The following NOL4 variants were observed in gnomAD, a reference collection of about 807,000 sequenced individuals.
NOL4 encodes the protein nucleolar protein 4, also known as cancer/testis antigen 125.
In NOL4, 17 loss-of-function variants were observed where a neutral mutation model predicts 75.9. The ratio of observed to expected loss-of-function variants is 0.22; its 90% CI spans 0.15 to 0.34. The LOEUF is 0.34. Ranked by LOEUF, NOL4 falls within the 10% of genes least tolerant of loss-of-function variation. The pLI is 1.00. For missense variants in NOL4, 614 were observed against 793.5 expected (o/e 0.77, Z 2.72); for synonymous variants, 292 against 289.9 (o/e 1.01, Z -0.07).
intron 2 of NOL4, among the ~76,000 whole-genome samples, chr18:34,112,840 G>A (rs757349680): frequency 1.3e-5 from 2 of 152,168 alleles, no homozygotes; most frequent in Non-Finnish European, 1.5e-5. Context: ...CATTAATAGA[G>A]TAAATCTCAA....
intron 5 of NOL4, among the ~76,000 whole-genome samples, chr18:34,072,150 G>A (rs1005660520): frequency 3.7e-4 from 57 of 152,154 alleles, no homozygotes; most frequent in Middle Eastern, 6.8e-3. Flanking sequence ...AGAATCGCCC[G>A]GGAGGCAGAG....
chr18:34,071,647 G>T (rs1056964321), intron 5 of NOL4, among the ~76,000 whole-genome samples: 1 of 152,066 alleles, frequency 6.6e-6, no homozygotes, highest in African/African-American at 2.4e-5. Flanking sequence ...TTATAAAATA[G>T]GCCATGTATT....
At chr18:34,155,521 C>A (rs2030214824) in intron 1 of NOL4, among the ~76,000 whole-genome samples, 1 of 151,988 alleles carries the variant, frequency 6.6e-6, no homozygotes, top group Admixed American at 6.6e-5. Context: ...AGTGTTCTTG[C>A]ACAAACATAG....
intron 2 of NOL4, among the ~76,000 whole-genome samples, chr18:34,124,749 A>T (rs2080305428): frequency 6.6e-6 from 1 of 152,158 alleles, no homozygotes; most frequent in Non-Finnish European, 1.5e-5. Context: ...TACTTAAAAT[A>T]CAAAAAAATT....
chr18:33,998,531 G>T (rs931591244), intron 6 of NOL4, among the ~76,000 whole-genome samples: 2 of 152,062 alleles, frequency 1.3e-5, no homozygotes, highest in South Asian at 4.1e-4. Context: ...TTATATTTAT[G>T]CTATCTATTA....
chr18:34,029,130 A>T (rs1432107441), intron 5 of NOL4, among the ~76,000 whole-genome samples: 3 of 152,092 alleles, frequency 2.0e-5, no homozygotes, highest in African/African-American at 7.2e-5. Flanking sequence ...GTGTACAGTT[A>T]TTCTCTCAGT....
intron 1 of NOL4, among the ~76,000 whole-genome samples, chr18:34,217,066 C>T (rs1195222177): frequency 6.6e-6 from 1 of 152,014 alleles, no homozygotes; most frequent in African/African-American, 2.4e-5. Context: ...GAATGATGTT[C>T]ATAATTAGCT....
chr18:34,178,505 G>C (rs1439816814), intron 1 of NOL4, among the ~76,000 whole-genome samples: 1 of 151,592 alleles, frequency 6.6e-6, no homozygotes, highest in Non-Finnish European at 1.5e-5. Context: ...AAAGTAAAAG[G>C]ATGAAAACAC....
At chr18:34,084,725 T>C (rs1409232796) in intron 5 of NOL4, among the ~76,000 whole-genome samples, 1 of 152,182 alleles carries the variant, frequency 6.6e-6, no homozygotes, top group African/African-American at 2.4e-5. Flanking sequence ...TTCAATACTT[T>C]CCAACTGTTC....
chr18:34,096,852 T>A (rs2078809796), intron 4 of NOL4, among the ~76,000 whole-genome samples: 4 of 152,172 alleles, frequency 2.6e-5, no homozygotes, highest in African/African-American at 9.7e-5. Context: ...TCAAAACCTT[T>A]GTTATTGAGC....
chr18:34,059,936 C>T (rs913795327), intron 5 of NOL4, among the ~76,000 whole-genome samples: 3 of 152,134 alleles, frequency 2.0e-5, no homozygotes, highest in African/African-American at 7.2e-5. Context: ...TTCCAGCCTT[C>T]CCCCACCAGA....
rs538265516 is a variant in NOL4 at position 34,222,530 on chromosome 18, G to T, written c.264+460C>A. On this transcript the variant is annotated intron_variant, in intron 1 of 10. Coordinates refer to ENST00000261592, the MANE Select transcript of NOL4 (RefSeq NM_003787.5). ...CGCTAGCGCTACATTCGGGCTTTAT[G>T]CCAATAAGGAGACACTGTAGACTAT... 20 of 813,060 alleles carry T rather than the reference G, an allele frequency of 2.5e-5. No individual in the cohort carries two copies. The African/African-American group carries it at 3.3e-4, about 14-fold the overall frequency. The allele number at this position is 813,060 out of a possible 1,614,324, so 50.4% of individuals were successfully genotyped here.
intron 9 of NOL4, among the ~76,000 whole-genome samples, chr18:33,926,267 G>A (rs1220764785): frequency 1.4e-5 from 2 of 146,198 alleles, no homozygotes; most frequent in African/African-American, 5.1e-5. Context: ...GGCTGAGGCA[G>A]GAGAATCGCT....
At chr18:33,949,863 AAACACAGTTTAGTT>A (rs1204691722) in intron 8 of NOL4, among the ~76,000 whole-genome samples, 4 of 152,096 alleles carry the variant, frequency 2.6e-5, no homozygotes, top group Non-Finnish European at 5.9e-5. Flanking sequence ...GAAGATTTAG[AAACACAGTTTAGTT>A]AATAACAGCT....
At chr18:34,050,584 G>T (rs1189855665) in intron 5 of NOL4, among the ~76,000 whole-genome samples, 2 of 151,962 alleles carry the variant, frequency 1.3e-5, no homozygotes, top group Admixed American at 6.6e-5. Context: ...CTTAGATTTG[G>T]ATGTTAAAAG....
At chr18:34,178,848 G>A (rs767124534) in intron 1 of NOL4, among the ~76,000 whole-genome samples, 2 of 151,554 alleles carry the variant, frequency 1.3e-5, no homozygotes, top group Non-Finnish European at 3.0e-5. Flanking sequence ...CAACCTGTTT[G>A]GACAGCTACA....
chr18:34,137,598 C>G (rs970855732), intron 1 of NOL4, among the ~76,000 whole-genome samples: 1 of 152,026 alleles, frequency 6.6e-6, no homozygotes, highest in Non-Finnish European at 1.5e-5. Context: ...ACTTCACATG[C>G]ACTAGGATTG....
chr18:33,853,119 G>C, intron 10 of NOL4, 84 bp from the exon 11 acceptor site: 1 of 1,138,968 alleles, frequency 8.8e-7, no homozygotes, highest in African/African-American at 1.6e-5. Flanking sequence ...AATTATAGTT[G>C]AATGAATTAA....
intron 9 of NOL4, among the ~76,000 whole-genome samples, chr18:33,905,449 T>G (rs1280023525): frequency 6.6e-6 from 1 of 152,144 alleles, no homozygotes; most frequent in Non-Finnish European, 1.5e-5. Flanking sequence ...ACAGTGGGCA[T>G]ATGAGCTCTT....
Sources: allele counts gnomAD v4.1 joint callset (sites outside exome capture counted in the v4.1 genomes callset), GRCh38; gene constraint gnomAD v4.1.1; transcripts MANE v1.5; gene names NCBI Gene and HGNC (gene_info 2026-07-23, HGNC 2026-07-21).